PTPRM: variants seen among roughly 807,000 people sequenced by gnomAD.
PTPRM encodes receptor-type tyrosine-protein phosphatase mu.
A neutral mutation model predicts 186.7 loss-of-function variants in PTPRM; 47 were observed. The observed-to-expected ratio is 0.25, with a 90% CI of 0.20 to 0.32. The LOEUF (loss-of-function observed/expected upper bound fraction) is 0.32. Ranked by LOEUF, PTPRM falls within the 10% of genes least tolerant of loss-of-function variation. PTPRM has a pLI of 1.00. For missense variants in PTPRM, 1,494 were observed against 1,865.0 expected, an observed-to-expected ratio of 0.80 and a Z score of 3.66; for synonymous variants, 668 against 674.9, an observed-to-expected ratio of 0.99 and a Z score of 0.16.
At chr18:7,934,169 A>G (rs2051656521) in intron 5 of PTPRM, among the ~76,000 whole-genome samples, 1 of 152,206 alleles carries the variant, frequency 6.6e-6, no homozygotes, top group African/African-American at 2.4e-5. Flanking sequence ...CACCTGTGTC[A>G]TAGTAATAGA....
At chr18:8,086,253 C>G (rs1443371513) in intron 10 of PTPRM, among the ~76,000 whole-genome samples, 1 of 152,136 alleles carries the variant, frequency 6.6e-6, no homozygotes, top group Non-Finnish European at 1.5e-5. Flanking sequence ...CATATAGAGT[C>G]TGCTTCCTGA....
At chr18:8,264,795 A>G (rs1443428379) in intron 19 of PTPRM, among the ~76,000 whole-genome samples, 1 of 123,796 alleles carries the variant, frequency 8.1e-6, no homozygotes, top group Non-Finnish European at 1.8e-5. Context: ...AAAAAAAAAG[A>G]GTACACACCT....
chr18:8,343,123 T>TA (rs5823002), intron 22 of PTPRM, among the ~76,000 whole-genome samples: 43,974 of 151,954 alleles, frequency 0.29, 7,188 homozygotes, highest in Middle Eastern at 0.5. Context: ...ACTATGGAGA[T>TA]AATAGCTAAA....
intron 1 of PTPRM, among the ~76,000 whole-genome samples, chr18:7,580,318 G>A (rs2036810718): frequency 6.6e-6 from 1 of 152,170 alleles, no homozygotes; most frequent in Non-Finnish European, 1.5e-5. Context: ...ACAGCATGAG[G>A]TTGCTTGCTA....
chr18:7,867,975 G>A lies in PTPRM; in HGVS notation c.197-20131G>A, dbSNP rs574336014. Among the ~76,000 whole-genome samples, 219 of 151,918 alleles carry A rather than the reference G, an allele frequency of 1.4e-3. 1 individual carries two copies. Among genetic ancestry groups the A allele is most frequent in the African/African-American group, 4.9e-3 (201 of 41,420 alleles). On this transcript the variant is annotated intron_variant, in intron 2 of 32. Coordinates refer to ENST00000580170, the MANE Select transcript of PTPRM (RefSeq NM_001105244.2). Reference sequence around the variant, plus strand: ...TTCAATGCCTGATATCCTCTCTTCCGCTTGATTGATTTGGCTATTGATACT... The same window carrying A: ...TTCAATGCCTGATATCCTCTCTTCCACTTGATTGATTTGGCTATTGATACT...
intron 13 of PTPRM, among the ~76,000 whole-genome samples, chr18:8,134,290 T>A (rs1051572707): frequency 6.6e-6 from 1 of 152,208 alleles, no homozygotes. Flanking sequence ...CAAATGCTTC[T>A]TGTGTCTTTT....
chr18:8,378,525 G>C, intron 27 of PTPRM, 111 bp downstream of exon 27: 3 of 1,339,158 alleles, frequency 2.2e-6, no homozygotes, highest in Non-Finnish European at 3.1e-6. Flanking sequence ...GGCCTCCATA[G>C]CACTGTTCGT....
intron 11 of PTPRM, among the ~76,000 whole-genome samples, chr18:8,093,948 G>T (rs114024591): frequency 0.023 from 3,547 of 152,108 alleles, 144 homozygotes; most frequent in African/African-American, 0.081. Context: ...ATTAAAAAAA[G>T]ATATTTGTGA....
chr18:7,592,497 G>A (rs2037152679), intron 1 of PTPRM, among the ~76,000 whole-genome samples: 1 of 152,204 alleles, frequency 6.6e-6, no homozygotes, highest in Non-Finnish European at 1.5e-5. Flanking sequence ...CCTAAGCAGA[G>A]CTGTCAGGCC....
intron 22 of PTPRM, among the ~76,000 whole-genome samples, chr18:8,326,554 C>T (rs1184604961): frequency 1.3e-5 from 2 of 152,136 alleles, no homozygotes; most frequent in Non-Finnish European, 2.9e-5. Flanking sequence ...GCTACAGTAA[C>T]CAAAACAGCA....
intron 1 of PTPRM, among the ~76,000 whole-genome samples, chr18:7,727,254 G>T (rs1284968260): frequency 6.6e-6 from 1 of 152,066 alleles, no homozygotes; most frequent in Admixed American, 6.6e-5. Context: ...CTAATTTTGT[G>T]ATCTAAGGAT....
At chr18:8,397,275 C>T (rs2095849855) in intron 32 of PTPRM, among the ~76,000 whole-genome samples, 2 of 152,226 alleles carry the variant, frequency 1.3e-5, no homozygotes, top group Non-Finnish European at 2.9e-5. Flanking sequence ...ACCGCTCTAC[C>T]CTCCCTGCCA....
chr18:8,368,966 A>C (rs1273969418), intron 23 of PTPRM, among the ~76,000 whole-genome samples: 3 of 152,200 alleles, frequency 2.0e-5, no homozygotes, highest in Non-Finnish European at 2.9e-5. Context: ...AGCATGTTTC[A>C]TCAGGGCAGC....
At chr18:8,235,747 A>G (rs1353548051) in intron 14 of PTPRM, among the ~76,000 whole-genome samples, 2 of 152,066 alleles carry the variant, frequency 1.3e-5, no homozygotes, top group Non-Finnish European at 2.9e-5. Context: ...TTTGCTACAT[A>G]CCACAAATTT....
chr18:8,405,176 A>G (rs1412482519), intron 32 of PTPRM: 1 of 151,880 alleles, frequency 6.6e-6, no homozygotes, highest in Non-Finnish European at 1.5e-5. Context: ...AGAAAAAAAA[A>G]AAAAAAAGAA....
intron 7 of PTPRM, 135 bp downstream of exon 7, chr18:7,955,549 G>T (rs1026465174): frequency 2.5e-5 from 26 of 1,020,580 alleles, no homozygotes; most frequent in African/African-American, 3.2e-5. Context: ...AATGCCCTTA[G>T]CCTGTGAATA....
intron 2 of PTPRM, among the ~76,000 whole-genome samples, chr18:7,838,027 C>G (rs2046139359): frequency 6.6e-6 from 1 of 152,114 alleles, no homozygotes; most frequent in African/African-American, 2.4e-5. Context: ...TCTGTGGTTC[C>G]TGAAGAGAAG....
At chr18:7,796,033 C>G (rs1276443744) in intron 2 of PTPRM, among the ~76,000 whole-genome samples, 2 of 151,948 alleles carry the variant, frequency 1.3e-5, no homozygotes, top group Non-Finnish European at 2.9e-5. Context: ...TGGTCTCGAA[C>G]TCTTGGGCTC....
intron 2 of PTPRM, among the ~76,000 whole-genome samples, chr18:7,810,983 A>G (rs1258883383): frequency 6.6e-6 from 1 of 152,202 alleles, no homozygotes; most frequent in East Asian, 1.9e-4. Flanking sequence ...GAACGATTGA[A>G]TACTTGTTTT....
Sources: allele counts gnomAD v4.1 joint callset (sites outside exome capture counted in the v4.1 genomes callset), GRCh38; gene constraint gnomAD v4.1.1; transcripts MANE v1.5; gene names NCBI Gene and HGNC (gene_info 2026-07-23, HGNC 2026-07-21).